SBF2: variants seen among roughly 807,000 people sequenced by gnomAD.
SBF2 encodes SET binding factor 2.
A neutral mutation model predicts 225.2 loss-of-function variants in SBF2; 112 were observed. The observed-to-expected ratio is 0.50, with a 90% CI of 0.43 to 0.58. The LOEUF (loss-of-function observed/expected upper bound fraction) is 0.58, where lower values mean the gene tolerates loss of function less well. Among genes scored for constraint, SBF2 ranks in the 20% least tolerant of loss-of-function variants. SBF2 has a pLI of 0.00. For synonymous variants in SBF2, 763 were observed against 773.3 expected (o/e 0.99, Z 0.22); for missense variants, 1,996 against 2,206.2 (o/e 0.90, Z 1.91).
chr11:10,043,491 T>G (rs983578094), intron 2 of SBF2, among the ~76,000 whole-genome samples: 1 of 152,224 alleles, frequency 6.6e-6, no homozygotes, highest in African/African-American at 2.4e-5. Context: ...ATAGAATGTC[T>G]GCTGTTAGAC....
chr11:9,820,944 C>T (rs10734650), intron 28 of SBF2, among the ~76,000 whole-genome samples: 125,461 of 152,216 alleles, frequency 0.82, 52,694 homozygotes, highest in Non-Finnish European at 0.89. Flanking sequence ...GTTCACTTTA[C>T]CTTACAGATG....
chr11:9,970,210 AT>A (rs1172096180), intron 13 of SBF2, among the ~76,000 whole-genome samples: 2,550 of 138,436 alleles, frequency 0.018, 42 homozygotes, highest in African/African-American at 0.047. Flanking sequence ...CATATATCCT[AT>A]TTTTTTTTTT....
At chr11:10,038,710 G>A (rs1032441205) in intron 3 of SBF2, among the ~76,000 whole-genome samples, 12 of 151,552 alleles carry the variant, frequency 7.9e-5, no homozygotes, top group African/African-American at 2.2e-4. Flanking sequence ...CTTATCTCTC[G>A]AAATTACAAA....
chr11:10,026,556 C>A (rs1319942490), intron 6 of SBF2, among the ~76,000 whole-genome samples: 8 of 152,026 alleles, frequency 5.3e-5, no homozygotes, highest in African/African-American at 1.9e-4. Flanking sequence ...CATGGCGAGA[C>A]CCTGTCTCTA....
At chr11:9,936,014 T>C (rs552711904) in intron 16 of SBF2, among the ~76,000 whole-genome samples, 110 of 152,088 alleles carry the variant, frequency 7.2e-4, no homozygotes, top group Non-Finnish European at 1.5e-3. Context: ...TCAGAGTGAA[T>C]AGGCAATCTA....
At chr11:9,970,466 T>C (rs1867260363) in intron 13 of SBF2, among the ~76,000 whole-genome samples, 1 of 151,996 alleles carries the variant, frequency 6.6e-6, no homozygotes, top group African/African-American at 2.4e-5. Flanking sequence ...CAGCCTCCCA[T>C]ACATCCTCTT....
intron 1 of SBF2, among the ~76,000 whole-genome samples, chr11:10,196,838 A>AT (rs1957373834): frequency 1.6e-5 from 1 of 61,054 alleles, no homozygotes; most frequent in African/African-American, 5.6e-5. Context: ...TCTTGCATAA[A>AT]TATATATATA....
intron 16 of SBF2, among the ~76,000 whole-genome samples, chr11:9,896,356 T>G (rs1285591186): frequency 6.6e-6 from 1 of 152,232 alleles, no homozygotes; most frequent in Non-Finnish European, 1.5e-5. Flanking sequence ...AATTTTTTTT[T>G]GGAGGAAGTT....
At chr11:9,846,828 C>T in intron 23 of SBF2, 128 bp downstream of exon 23, 1 of 1,070,820 alleles carries the variant, frequency 9.3e-7, no homozygotes, top group Non-Finnish European at 1.4e-6. Context: ...ACTACCCTCT[C>T]AGACCCTATG....
chr11:9,866,794 C>A (rs1294523965), intron 17 of SBF2, among the ~76,000 whole-genome samples: 2 of 152,128 alleles, frequency 1.3e-5, no homozygotes, highest in South Asian at 4.1e-4. Context: ...AAAGAAACAA[C>A]ATACAAAATG....
At chr11:9,789,378 C>T (rs781443730) in intron 34 of SBF2, 36 bp from the exon 35 acceptor site, 1 of 1,488,910 alleles carries the variant, frequency 6.7e-7, no homozygotes, top group Admixed American at 1.7e-5. Context: ...TTCATCTTGA[C>T]CCCAAAGTAC....
chr11:9,893,421 T>C, intron 17 of SBF2, among the ~76,000 whole-genome samples: 1 of 152,194 alleles, frequency 6.6e-6, no homozygotes, highest in East Asian at 1.9e-4. Context: ...TATAAACATT[T>C]CTCCTTTGCC....
At chr11:9,904,215 A>G (rs535837476) in intron 16 of SBF2, among the ~76,000 whole-genome samples, 10 of 152,184 alleles carry the variant, frequency 6.6e-5, no homozygotes, top group Non-Finnish European at 1.2e-4. Flanking sequence ...AACAACATAT[A>G]TATATATAAA....
At chr11:10,182,885 C>T (rs1160293640) in intron 2 of SBF2, among the ~76,000 whole-genome samples, 6 of 152,024 alleles carry the variant, frequency 3.9e-5, no homozygotes, top group African/African-American at 1.2e-4. Flanking sequence ...GTGATTCTCC[C>T]GCCTCAGCCT....
At chr11:10,090,764 C>CAAAAAAAAAAAAAAAAAAAAAAAAAAAAA (rs201577494) in intron 2 of SBF2, among the ~76,000 whole-genome samples, 1 of 44,428 alleles carries the variant, frequency 2.3e-5, no homozygotes, top group Non-Finnish European at 4.4e-5. Flanking sequence ...GATTCCATCT[C>CAAAAAAAAAAAAAAAAAAAAAAAAAAAAA]AAAAAAAAAA....
chr11:10,026,242 A>T (rs1949050810), intron 6 of SBF2, among the ~76,000 whole-genome samples: 1 of 152,174 alleles, frequency 6.6e-6, no homozygotes, highest in African/African-American at 2.4e-5. Context: ...CACATTTGGA[A>T]ATGTGAAATA....
intron 16 of SBF2, among the ~76,000 whole-genome samples, chr11:9,948,091 A>G (rs1220160630): frequency 6.6e-6 from 1 of 152,028 alleles, no homozygotes; most frequent in Non-Finnish European, 1.5e-5. Flanking sequence ...ATACAATGGA[A>G]TATTATTTAG....
intron 1 of SBF2, among the ~76,000 whole-genome samples, chr11:10,261,252 G>C (rs1057089348): frequency 2.0e-5 from 3 of 152,174 alleles, no homozygotes; most frequent in Non-Finnish European, 4.4e-5. Flanking sequence ...ACCCAGGCTG[G>C]AGTGCAGTGG....
chr11:10,025,283 G>C (rs1249491928), intron 6 of SBF2, among the ~76,000 whole-genome samples: 1 of 152,132 alleles, frequency 6.6e-6, no homozygotes, highest in Non-Finnish European at 1.5e-5. Flanking sequence ...ATGATTTCAA[G>C]CTGTATTGTA....
Sources: gnomAD v4.1 joint callset for allele counts (sites outside exome capture counted in the v4.1 genomes callset) on GRCh38, gnomAD v4.1.1 for gene constraint, MANE v1.5 for transcripts, NCBI Gene and HGNC (gene_info 2026-07-23, HGNC 2026-07-21) for gene names.